PDE4D: variants seen among roughly 807,000 people sequenced by gnomAD.
The protein encoded by PDE4D is 3',5'-cyclic-AMP phosphodiesterase 4D.
A neutral mutation model predicts 87.4 loss-of-function variants in PDE4D; 24 were observed. The observed-to-expected ratio is 0.27, with a 90% confidence interval of 0.20 to 0.39. The LOEUF (loss-of-function observed/expected upper bound fraction) is 0.39. PDE4D is among the 10% of genes least tolerant of loss of function. The pLI, the probability that PDE4D is intolerant of heterozygous loss-of-function variation, is 1.00. For synonymous variants in PDE4D, 384 were observed against 383.2 expected, an observed-to-expected ratio of 1.00 and a Z score of -0.02; for missense variants, 714 against 1,041.0, an observed-to-expected ratio of 0.69 and a Z score of 4.32.
chr5:60,315,366 A>T (rs951009861), intron 1 of PDE4D, among the ~76,000 whole-genome samples: 1 of 151,984 alleles, frequency 6.6e-6, no homozygotes, highest in African/African-American at 2.4e-5. Flanking sequence ...GTTTGAGTTC[A>T]TTGTAGATTC....
chr5:58,974,816 T>G lies in PDE4D; in HGVS notation c.2278A>C (p.Thr760Pro). 6.2e-7 allele frequency: 1 copy of G among 1,613,656 alleles called. No homozygotes were observed. The highest frequency in any genetic ancestry group is 8.5e-7 in the Non-Finnish European group (1 of 1,179,658). The change falls in exon 15 of 15, where the codon ACT (threonine) becomes CCT (proline). Residue 760 changes from threonine to proline, a missense_variant. Physicochemically the swap from Thr to Pro is conservative, Grantham distance 38 (BLOSUM62 -1). Coordinates refer to ENST00000340635, the MANE Select transcript of PDE4D (RefSeq NM_001104631.2). ...KDSGSQVEEDTSCSDSKTLCT... is the reference protein window; with the variant it reads ...KDSGSQVEEDPSCSDSKTLCT... ...AGAGTCTTGGAGTCACTGCAGCTAG[T>G]GTCTTCTTCCACTTGACTGCCACTG...
chr5:60,012,113 C>T lies in PDE4D; in HGVS notation c.43-23396G>A, dbSNP rs887494065. Among the ~76,000 whole-genome samples the T allele has an allele frequency of 6.6e-5, 10 of 152,080 alleles. No homozygotes were observed. In the South Asian group the frequency reaches 1.7e-3, roughly 25 times the overall value. ...ATCTCAGAAAAGCTATAAAAATGAA[C>T]AATAATATATAAAAATAAGTCAGAT... is the stretch of plus-strand genomic sequence containing the variant. On this transcript the variant is annotated intron_variant, in intron 2 of 16. Coordinates refer to the PDE4D transcript ENST00000502484.
At chr5:60,362,143 T>G (rs1173544359) in intron 1 of PDE4D, among the ~76,000 whole-genome samples, 2 of 152,204 alleles carry the variant, frequency 1.3e-5, no homozygotes, top group Non-Finnish European at 2.9e-5. Flanking sequence ...ATACACATTC[T>G]TGTTGAGGAG....
At chr5:60,231,490 T>A (rs563529735) in intron 1 of PDE4D, among the ~76,000 whole-genome samples, 9 of 152,054 alleles carry the variant, frequency 5.9e-5, no homozygotes, top group Admixed American at 3.3e-4. Flanking sequence ...CTTAATGATA[T>A]TTTTCTAGCC....
At chr5:59,772,347 A>G (rs1356520433) in intron 1 of PDE4D, among the ~76,000 whole-genome samples, 1 of 152,230 alleles carries the variant, frequency 6.6e-6, no homozygotes, top group East Asian at 1.9e-4. Context: ...CAGCCAAATA[A>G]GGCCTCAGGT....
At chr5:59,622,213 A>C (rs908082641) in intron 1 of PDE4D, among the ~76,000 whole-genome samples, 6 of 152,122 alleles carry the variant, frequency 3.9e-5, no homozygotes, top group African/African-American at 1.2e-4. Flanking sequence ...ACACATACCC[A>C]CACACTATAT....
intron 3 of PDE4D, among the ~76,000 whole-genome samples, chr5:59,906,946 A>G (rs1004523495): frequency 6.6e-5 from 10 of 152,292 alleles, no homozygotes; most frequent in Admixed American, 3.3e-4. Flanking sequence ...TCCTTGCAGC[A>G]CTGTTCACAA....
intron 1 of PDE4D, among the ~76,000 whole-genome samples, chr5:59,733,997 G>C (rs1378025948): frequency 6.6e-6 from 1 of 151,982 alleles, no homozygotes. Flanking sequence ...TTTTATTCCA[G>C]AGTCTATGGT....
intron 1 of PDE4D, among the ~76,000 whole-genome samples, chr5:59,230,732 C>A (rs1754988366): frequency 6.6e-6 from 1 of 152,162 alleles, no homozygotes; most frequent in Non-Finnish European, 1.5e-5. Flanking sequence ...GGTCAGGAAA[C>A]CATTCACCAG....
intron 2 of PDE4D, among the ~76,000 whole-genome samples, chr5:60,046,568 T>C (rs1280826406): frequency 1.3e-5 from 2 of 151,924 alleles, no homozygotes; most frequent in African/African-American, 4.9e-5. Context: ...TGAGAGTTTT[T>C]AGCATGAAGC....
At chr5:59,280,082 T>C (rs1765545325) in intron 1 of PDE4D, among the ~76,000 whole-genome samples, 1 of 152,072 alleles carries the variant, frequency 6.6e-6, no homozygotes, top group Non-Finnish European at 1.5e-5. Context: ...GCACTAACTT[T>C]TAGGTATCAT....
intron 9 of PDE4D, among the ~76,000 whole-genome samples, chr5:58,990,286 TG>T (rs1309851171): frequency 6.6e-6 from 1 of 152,152 alleles, no homozygotes; most frequent in African/African-American, 2.4e-5. Flanking sequence ...TCTCTAGGGC[TG>T]AAGTTTCCCA....
At chr5:60,368,583 G>A (rs1347846181) in intron 1 of PDE4D, among the ~76,000 whole-genome samples, 1 of 152,190 alleles carries the variant, frequency 6.6e-6, no homozygotes, top group Non-Finnish European at 1.5e-5. Context: ...GGAATTATTT[G>A]ATCCTTGAGA....
intron 2 of PDE4D, among the ~76,000 whole-genome samples, chr5:60,102,632 T>C (rs1045311156): frequency 6.6e-6 from 1 of 152,092 alleles, no homozygotes; most frequent in South Asian, 2.1e-4. Context: ...TTCACACTGA[T>C]AGAGGGAAGA....
At chr5:60,346,432 T>C (rs571063488) in intron 1 of PDE4D, among the ~76,000 whole-genome samples, 2 of 152,332 alleles carry the variant, frequency 1.3e-5, no homozygotes, top group Non-Finnish European at 2.9e-5. Context: ...AGTATTCAGA[T>C]GCTGTTCTCT....
rs985348011 is a variant in PDE4D at position 60,029,942 on chromosome 5, T to C, written c.43-41225A>G. Among the ~76,000 whole-genome samples, 17 of 152,264 alleles carry C rather than the reference T, an allele frequency of 1.1e-4. No homozygotes were observed. In the South Asian group the frequency reaches 3.1e-3, roughly 28 times the overall value. On this transcript the variant is annotated intron_variant, in intron 2 of 16. Transcript: ENST00000502484. ...AATTTCTCATACTGTGCATTCTATTTTCCAATTCTGGCTACCTAAAATCCC... is the reference window on the plus strand; with the variant it reads ...AATTTCTCATACTGTGCATTCTATTCTCCAATTCTGGCTACCTAAAATCCC...
intron 2 of PDE4D, among the ~76,000 whole-genome samples, chr5:59,212,413 C>T (rs573519560): frequency 6.6e-6 from 1 of 152,110 alleles, no homozygotes; most frequent in African/African-American, 2.4e-5. Flanking sequence ...GAATGGAAAG[C>T]TAAACATATC....
intron 1 of PDE4D, among the ~76,000 whole-genome samples, chr5:59,466,019 C>A (rs1801539488): frequency 6.6e-6 from 1 of 152,058 alleles, no homozygotes; most frequent in South Asian, 2.1e-4. Flanking sequence ...TATCTGCATT[C>A]AATGACATTT....
chr5:59,007,844 C>CA (rs1323354346), intron 6 of PDE4D, among the ~76,000 whole-genome samples: 3 of 151,346 alleles, frequency 2.0e-5, no homozygotes, highest in East Asian at 1.9e-4. Flanking sequence ...TTTTTTTTAA[C>CA]AAAAAAGTCT....
Sources: allele counts gnomAD v4.1 joint callset (sites outside exome capture counted in the v4.1 genomes callset), GRCh38; gene constraint gnomAD v4.1.1; transcripts MANE v1.5; gene names NCBI Gene and HGNC (gene_info 2026-07-23, HGNC 2026-07-21).